Variants in TDRD6 observed in about 807,000 individuals in gnomAD.
The protein encoded by TDRD6 is tudor domain containing 6.
In TDRD6, 186 loss-of-function variants were observed where a neutral mutation model predicts 157.5. The ratio of observed to expected loss-of-function variants is 1.18; its 90% confidence interval spans 1.05 to 1.33. TDRD6 has a LOEUF of 1.33. Among genes scored for constraint, TDRD6 ranks in the 40% most tolerant of loss-of-function variants. TDRD6 has a pLI of 0.00. For synonymous variants in TDRD6, 1,075 were observed against 945.2 expected, an observed-to-expected ratio of 1.14 and a Z score of -2.52; for missense variants, 3,066 against 2,508.0, an observed-to-expected ratio of 1.22 and a Z score of -4.75.
chr6:46,690,648 GAT>G lies in TDRD6; in HGVS notation c.2522_2523del (p.Ile841ThrfsTer28). On this transcript the variant is annotated frameshift_variant, in exon 1 of 4. Coordinates refer to ENST00000316081, the MANE Select transcript of TDRD6 (RefSeq NM_001010870.3). LOFTEE classifies it high-confidence loss of function. Reference sequence around the variant, plus strand: ...AGTGGTCCAGAGCACTTATTAGTGGGATACAGTCTGTGGAGCATGTCAATGTA... The same window carrying G: ...AGTGGTCCAGAGCACTTATTAGTGGGACAGTCTGTGGAGCATGTCAATGTA... Reference protein sequence around the residue: ...RQWSRALISGIQSVEHVNVTF... With the variant: ...RQWSRALISGXQSVEHVNVTF... The G allele has an allele frequency of 6.2e-7, 1 of 1,614,206 alleles. No homozygotes were observed. The highest frequency in any genetic ancestry group is 8.5e-7 in the Non-Finnish European group (1 of 1,180,030).
Position 46,691,046 on chromosome 6 carries a change from A to G in TDRD6, c.2918A>G (p.His973Arg), listed in dbSNP as rs764306486. The change falls in exon 1 of 4, where the codon CAT (histidine) becomes CGT (arginine). Residue 973 changes from histidine to arginine, a missense_variant. His to Arg is a conservative substitution (Grantham distance 29). Coordinates refer to ENST00000316081, the MANE Select transcript of TDRD6 (RefSeq NM_001010870.3). ...CCTTTGGAGTCCTCTGTTCAGCTAC[A>G]TTCCTACTTCTATTCTACACATGAT... ...QKPLESSVQL[H>R]SYFYSTHDMK... 3 of 1,613,580 alleles carry G rather than the reference A, an allele frequency of 1.9e-6. No homozygotes were observed. The highest frequency in any genetic ancestry group is 3.3e-5 in the Admixed American group (2 of 59,876).
At chr6:46,681,840 T>C in the TDRD6 span, among the ~76,000 whole-genome samples, 1 of 152,076 alleles carries the variant, frequency 6.6e-6, no homozygotes, top group Non-Finnish European at 1.5e-5. Flanking sequence ...AGTGAATACA[T>C]ACATGATTCT....
In TDRD6 at chr6:46,701,845, C is replaced by CT; in HGVS notation, c.6262-8dup. ...TTCTTTCTCAGTTTGAAGTTTTTCT[C>CT]TTTTTGTTTCAGAAAAGGGGTTTGG... On this transcript the variant is annotated splice_polypyrimidine_tract_variant and intron_variant, in intron 3 of 3. Coordinates refer to ENST00000316081, the MANE Select transcript of TDRD6 (RefSeq NM_001010870.3). 6.2e-7 allele frequency: 1 copy of CT among 1,612,280 alleles called. No homozygotes were observed.
chr6:46,692,762 A>G lies in TDRD6; in HGVS notation c.4634A>G (p.Gln1545Arg), dbSNP rs1764374838. The G allele has an allele frequency of 6.2e-7, 1 of 1,614,196 alleles. No homozygotes were observed. The highest frequency in any genetic ancestry group is 1.1e-5 in the South Asian group (1 of 91,084). ...WCQFADTEKLQCLEVEVQTAG... is the reference protein window; with the variant it reads ...WCQFADTEKLRCLEVEVQTAG... ...CAGTTTGCTGATACGGAGAAACTTCAGTGTTTAGAAGTAGAAGTACAGACT... is the reference window on the plus strand; with the variant it reads ...CAGTTTGCTGATACGGAGAAACTTCGGTGTTTAGAAGTAGAAGTACAGACT... Residue 1545 changes from glutamine (Q) to arginine (R), a missense_variant, in exon 1 of 4, where the codon CAG (glutamine) becomes CGG (arginine). Gln to Arg is a conservative substitution (Grantham distance 43). Transcript: ENST00000316081.
intron 3 of TDRD6, among the ~76,000 whole-genome samples, chr6:46,698,905 G>T (rs547634467): frequency 2.0e-4 from 31 of 152,170 alleles, no homozygotes; most frequent in Non-Finnish European, 4.0e-4. Context: ...TTCTCCTTCT[G>T]TGGTTGGTGA....
At chr6:46,685,811 G>C (rs371876855), upstream of TDRD6, among the ~76,000 whole-genome samples, 16 of 151,980 alleles carry the variant, frequency 1.1e-4, no homozygotes, top group East Asian at 2.1e-3. Flanking sequence ...CCGAAACCAA[G>C]GGCCTCTCAA....
chr6:46,682,910 T>G (rs572984712), upstream of TDRD6, among the ~76,000 whole-genome samples: 2 of 151,946 alleles, frequency 1.3e-5, no homozygotes, highest in Admixed American at 1.3e-4. Context: ...CAAATTGATC[T>G]CTACCTACAA....
At position 46,692,232 on chromosome 6, in the gene TDRD6, A is replaced by T; in HGVS notation, c.4104A>T (p.Leu1368Phe). The change falls in exon 1 of 4, where the codon TTA becomes TTT. Residue 1368 changes from leucine (L) to phenylalanine (F), a missense_variant. Transcript: ENST00000316081. ...MICAVFPEDN[L>F]WYRAVIKEQQ... ...GTGCTGTTTTCCCAGAAGATAATTT[A>T]TGGTATCGTGCTGTGATCAAGGAGC... The T allele has an allele frequency of 1.2e-6, 2 of 1,614,086 alleles. No individual in the cohort carries two copies. The highest frequency in any genetic ancestry group is 8.5e-7 in the Non-Finnish European group (1 of 1,179,986).
chr6:46,687,642 C>G (rs1035235886), upstream of TDRD6: 1 of 153,154 alleles, frequency 6.5e-6, no homozygotes, highest in Admixed American at 6.5e-5. Context: ...GTTGGGAGGA[C>G]GAAAAGGAAA....
chr6:46,696,474 GTATA>G lies in TDRD6; in HGVS notation c.6171+545_6171+548del, dbSNP rs1286889467. The stretch of plus-strand genomic sequence containing the variant: ...TATATATATATATATGTATATGTGT[GTATA>G]TATATATATATATATGTATATGTAA... On this transcript the variant is annotated intron_variant, in intron 2 of 3. Coordinates refer to ENST00000316081, the MANE Select transcript of TDRD6 (RefSeq NM_001010870.3). Among the ~76,000 whole-genome samples, 1,128 of 131,486 alleles carry G rather than the reference GTATA, an allele frequency of 8.6e-3. 7 individuals are homozygous for G. Among genetic ancestry groups the G allele is most frequent in the African/African-American group, 0.011 (391 of 34,694 alleles). The allele number at this position is 131,486 out of a possible 152,430, so 86.3% of individuals were successfully genotyped here.
chr6:46,700,602 A>G (rs1176412619), intron 3 of TDRD6, among the ~76,000 whole-genome samples: 1 of 152,188 alleles, frequency 6.6e-6, no homozygotes, highest in Non-Finnish European at 1.5e-5. Context: ...GTTAAAAGGA[A>G]TATAGGAGAA....
intron 3 of TDRD6, 76 bp from the exon 4 acceptor site, chr6:46,701,782 G>A (rs1472470672): frequency 6.8e-7 from 1 of 1,460,596 alleles, no homozygotes; most frequent in Admixed American, 1.7e-5. Context: ...CATTTGTCAT[G>A]GTAACACCCA....
At chr6:46,700,603 T>C (rs1764600648) in intron 3 of TDRD6, among the ~76,000 whole-genome samples, 1 of 152,184 alleles carries the variant, frequency 6.6e-6, no homozygotes, top group Admixed American at 6.5e-5. Flanking sequence ...TTAAAAGGAA[T>C]ATAGGAGAAA....
At position 46,702,287 on chromosome 6, in the gene TDRD6, A is replaced by G. The variant is rs1450245682; in HGVS notation, c.*400A>G. 6.5e-6 allele frequency: 1 copy of G among 154,424 alleles called. No individual in the cohort carries two copies. Among genetic ancestry groups the G allele is most frequent in the African/African-American group, 2.4e-5 (1 of 41,566 alleles). The allele number at this position is 154,424 out of a possible 1,614,324, so 9.6% of individuals were successfully genotyped here. On this transcript the variant is annotated 3_prime_UTR_variant, in exon 4 of 4. Transcript: ENST00000316081. Reference sequence around the variant, plus strand: ...ATTCTACTTAGGATAGCTTTTTAGCAGGATCTCCTTCAGAATTTTTGTCTT... The same window carrying G: ...ATTCTACTTAGGATAGCTTTTTAGCGGGATCTCCTTCAGAATTTTTGTCTT...
Position 46,691,246 on chromosome 6 carries a change from TGCCTTGCC to T in TDRD6, c.3119_3126del (p.Cys1040Ter), listed in dbSNP as rs1162444290. 1 of 1,613,996 alleles carries T rather than the reference TGCCTTGCC, an allele frequency of 6.2e-7. No individual in the cohort carries two copies. The highest frequency in any genetic ancestry group is 8.5e-7 in the Non-Finnish European group (1 of 1,179,968). ...ATCTCCCTTGAACCCTGGAACCTTG[TGCCTTGCC>T]AAGTATACTGATGGAAACTGGTATA... is the stretch of plus-strand genomic sequence containing the variant. On this transcript the variant is annotated frameshift_variant, in exon 1 of 4. Transcript: ENST00000316081. LOFTEE classifies it high-confidence loss of function.
chr6:46,693,766 C>A lies in TDRD6; in HGVS notation c.5638C>A (p.Gln1880Lys). ...SPVPPNVPLS[Q>K]ECVTKGAMEL... ...GGTGCCACCGAATGTGCCACTCTCC[C>A]AAGAGTGTGTCACAAAAGGCGCCAT... The change falls in exon 1 of 4, where the codon CAA (glutamine) becomes AAA (lysine). Residue 1880 changes from glutamine to lysine, a missense_variant. Transcript: ENST00000316081. 1 of 1,614,114 alleles carries A rather than the reference C, an allele frequency of 6.2e-7. No homozygotes were observed. Among genetic ancestry groups the A allele is most frequent in the Non-Finnish European group, 8.5e-7 (1 of 1,180,028 alleles).
chr6:46,692,683 A>C lies in TDRD6; in HGVS notation c.4555A>C (p.Lys1519Gln). 9.9e-6 allele frequency: 16 copies of C among 1,613,860 alleles called. No individual in the cohort carries two copies. The highest frequency in any genetic ancestry group is 1.4e-5 in the Non-Finnish European group (16 of 1,179,964). The change falls in exon 1 of 4, where the codon AAA becomes CAA. Residue 1519 changes from lysine (K) to glutamine (Q), a missense_variant. Physicochemically the swap from Lys to Gln is moderately conservative, Grantham distance 53 (BLOSUM62 1). Transcript: ENST00000316081. ...VFLNWYNPEKKMIRAYATVID... is the reference protein window; with the variant it reads ...VFLNWYNPEKQMIRAYATVID... Reference sequence around the variant, plus strand: ...TCTTAACTGGTATAATCCAGAAAAAAAAATGATAAGAGCTTATGCCACTGT... The same window carrying C: ...TCTTAACTGGTATAATCCAGAAAAACAAATGATAAGAGCTTATGCCACTGT...
upstream of TDRD6, chr6:46,687,875 A>T (rs966114130): frequency 4.3e-6 from 2 of 470,062 alleles, no homozygotes; most frequent in South Asian, 7.6e-5. Context: ...GCGCCGAGTG[A>T]GGTAAATGCG....
rs1370532462 is a variant in TDRD6, at chr6:46,703,323, T to C, written c.*1436T>C. On this transcript the variant is annotated 3_prime_UTR_variant, in exon 4 of 4. Transcript: ENST00000316081. ...GGAGAGAGGTTTGCATTAAAAGTAA[T>C]TGAGGTAGATGAGTATATTACTTAT... 1 of 152,034 alleles carries C rather than the reference T, an allele frequency of 6.6e-6. No homozygotes were observed. The highest frequency in any genetic ancestry group is 2.4e-5 in the African/African-American group (1 of 41,428). 9.4% of individuals were successfully genotyped at this position (152,034 alleles called of 1,614,324 possible).
Sources: gnomAD v4.1 joint callset for allele counts (sites outside exome capture counted in the v4.1 genomes callset) on GRCh38, gnomAD v4.1.1 for gene constraint, MANE v1.5 for transcripts, NCBI Gene and HGNC (gene_info 2026-07-23, HGNC 2026-07-21) for gene names.